AGBL1: variants seen among roughly 807,000 people sequenced by gnomAD.
The protein encoded by AGBL1 is AGBL carboxypeptidase 1.
In AGBL1, 130 loss-of-function variants were observed where a neutral mutation model predicts 118.9. That is an observed-to-expected ratio of 1.09 (90% CI 0.95 to 1.26). The LOEUF (loss-of-function observed/expected upper bound fraction) is 1.26, where lower values mean the gene tolerates loss of function less well. Among genes scored for constraint, AGBL1 ranks in the 50% most tolerant of loss-of-function variants. The pLI, the probability that AGBL1 is intolerant of heterozygous loss-of-function variation, is 0.00. For synonymous variants in AGBL1, 555 were observed against 478.9 expected (o/e 1.16, Z -2.08); for missense variants, 1,584 against 1,298.1 (o/e 1.22, Z -3.38).
chr15:86,231,247 G>A (rs909801103), intron 6 of AGBL1, among the ~76,000 whole-genome samples: 2 of 152,190 alleles, frequency 1.3e-5, no homozygotes, highest in African/African-American at 4.8e-5. Flanking sequence ...GCTACACCCA[G>A]AGTAGCTGAT....
At chr15:86,684,572 T>C (rs2142578716) in intron 22 of AGBL1, among the ~76,000 whole-genome samples, 1 of 152,120 alleles carries the variant, frequency 6.6e-6, no homozygotes, top group Admixed American at 6.6e-5. Flanking sequence ...CCTCTTGCCT[T>C]GGCCTCCCAA....
At chr15:86,557,734 C>T (rs920458354) in intron 21 of AGBL1, among the ~76,000 whole-genome samples, 1 of 152,112 alleles carries the variant, frequency 6.6e-6, no homozygotes, top group African/African-American at 2.4e-5. Flanking sequence ...CTTTTACAAT[C>T]TCTTCTTTCT....
intron 18 of AGBL1, among the ~76,000 whole-genome samples, chr15:86,518,514 A>G (rs931501492): frequency 7.9e-5 from 12 of 152,090 alleles, no homozygotes; most frequent in Non-Finnish European, 1.6e-4. Flanking sequence ...TTGTTTGGTC[A>G]TAAAATGACC....
chr15:86,912,491 C>G lies in AGBL1; in HGVS notation c.*5197C>G, dbSNP rs1308441688. 1 of 152,206 alleles carries G rather than the reference C, an allele frequency of 6.6e-6. No homozygotes were observed. The highest frequency in any genetic ancestry group is 1.5e-5 in the Non-Finnish European group (1 of 68,064). 9.4% of individuals were successfully genotyped at this position (152,206 alleles called of 1,614,324 possible). A position where few individuals can be genotyped will look rare whatever the true frequency, so the allele number is the denominator to read the frequency against. On this transcript the variant is annotated 3_prime_UTR_variant, in exon 23 of 23. Coordinates refer to ENST00000614907, the MANE Select transcript of AGBL1 (RefSeq NM_001386094.1). ...CAATAAGAATCAGCATCCAAGAATTCCATACATTGGCTTCAGTTTCCTTCC... is the reference window on the plus strand; with the variant it reads ...CAATAAGAATCAGCATCCAAGAATTGCATACATTGGCTTCAGTTTCCTTCC...
intron 18 of AGBL1, among the ~76,000 whole-genome samples, chr15:86,462,979 G>A (rs1011286550): frequency 6.6e-6 from 1 of 152,140 alleles, no homozygotes; most frequent in Non-Finnish European, 1.5e-5. Context: ...GGGTCAAATG[G>A]TATTTCTAGT....
chr15:86,147,683 G>A lies in AGBL1; in HGVS notation c.262+3838G>A, dbSNP rs528848741. Among the ~76,000 whole-genome samples the A allele has an allele frequency of 2.0e-5, 3 of 152,318 alleles. No individual in the cohort carries two copies. The East Asian group carries it at 5.8e-4, about 29-fold the overall frequency. ...ACTCCACTTCTATCGGCAAGGCATA[G>A]CTGAACAAAAGGCAGCAAACAACTT... On this transcript the variant is annotated intron_variant, in intron 3 of 22. Coordinates refer to ENST00000614907, the MANE Select transcript of AGBL1 (RefSeq NM_001386094.1).
chr15:86,852,448 C>G (rs1011497235), intron 22 of AGBL1, among the ~76,000 whole-genome samples: 2 of 152,122 alleles, frequency 1.3e-5, no homozygotes, highest in African/African-American at 2.4e-5. Context: ...AGTCCATTTC[C>G]TGAGAGTCTC....
chr15:86,669,050 C>T (rs2085695447), intron 21 of AGBL1, among the ~76,000 whole-genome samples: 1 of 151,942 alleles, frequency 6.6e-6, no homozygotes, highest in South Asian at 2.1e-4. Context: ...ACAAAAGTTC[C>T]AACTGAAGAA....
chr15:86,683,342 T>C (rs532607105), intron 22 of AGBL1, among the ~76,000 whole-genome samples: 2 of 152,288 alleles, frequency 1.3e-5, no homozygotes, highest in African/African-American at 4.8e-5. Flanking sequence ...TGTATACCAT[T>C]ATAGGTTGAA....
At chr15:86,892,151 C>T (rs993306109) in intron 22 of AGBL1, among the ~76,000 whole-genome samples, 1 of 152,088 alleles carries the variant, frequency 6.6e-6, no homozygotes, top group Non-Finnish European at 1.5e-5. Context: ...TCTCTCCTTT[C>T]CCTCTCTTTT....
intron 22 of AGBL1, among the ~76,000 whole-genome samples, chr15:86,830,659 C>T (rs529194836): frequency 6.6e-5 from 10 of 152,286 alleles, no homozygotes; most frequent in South Asian, 4.2e-4. Flanking sequence ...GGGCCCTCCA[C>T]GTAGCTCCAT....
intron 18 of AGBL1, among the ~76,000 whole-genome samples, chr15:86,447,842 A>T (rs996253941): frequency 6.6e-6 from 1 of 152,184 alleles, no homozygotes; most frequent in African/African-American, 2.4e-5. Flanking sequence ...AATATAAGGC[A>T]ACACAAAAGG....
chr15:86,220,504 G>A (rs28431476), intron 5 of AGBL1, among the ~76,000 whole-genome samples: 12,513 of 152,196 alleles, frequency 0.082, 1,737 homozygotes, highest in African/African-American at 0.28. Flanking sequence ...ACTTGAAGAC[G>A]TAAATTGAAC....
At chr15:86,556,923 T>C (rs1039762709) in intron 21 of AGBL1, among the ~76,000 whole-genome samples, 1 of 152,196 alleles carries the variant, frequency 6.6e-6, no homozygotes, top group African/African-American at 2.4e-5. Context: ...GCACACTAAG[T>C]ACCTGATTTG....
chr15:86,160,034 A>T (rs779136830), intron 5 of AGBL1, among the ~76,000 whole-genome samples: 4 of 151,780 alleles, frequency 2.6e-5, no homozygotes, highest in Admixed American at 1.3e-4. Flanking sequence ...TAAAGCCAAT[A>T]CATATTGAGA....
intron 22 of AGBL1, among the ~76,000 whole-genome samples, chr15:86,695,255 C>T (rs2086236797): frequency 6.6e-6 from 1 of 151,850 alleles, no homozygotes; most frequent in African/African-American, 2.4e-5. Flanking sequence ...TTTTGTATTA[C>T]CATTTCAATC....
intron 22 of AGBL1, among the ~76,000 whole-genome samples, chr15:86,785,710 G>A (rs547606442): frequency 3.3e-5 from 5 of 152,196 alleles, no homozygotes; most frequent in African/African-American, 4.8e-5. Context: ...ATTATGATGA[G>A]CAATCCAGTT....
At chr15:86,734,789 G>T (rs2077570182) in intron 22 of AGBL1, among the ~76,000 whole-genome samples, 1 of 152,070 alleles carries the variant, frequency 6.6e-6, no homozygotes, top group African/African-American at 2.4e-5. Context: ...TTCTTAGGTT[G>T]GTTCTCTGTA....
intron 1 of AGBL1, among the ~76,000 whole-genome samples, chr15:86,138,018 T>C (rs2076912350): frequency 6.6e-6 from 1 of 152,222 alleles, no homozygotes; most frequent in Non-Finnish European, 1.5e-5. Context: ...GTGGGCATTA[T>C]AATAAAGCAG....
Sources: allele counts gnomAD v4.1 joint callset (sites outside exome capture counted in the v4.1 genomes callset), GRCh38; gene constraint gnomAD v4.1.1; transcripts MANE v1.5; gene names NCBI Gene and HGNC (gene_info 2026-07-23, HGNC 2026-07-21).